The following CACNA1A variants were observed in gnomAD, a reference collection of about 807,000 sequenced individuals.
CACNA1A encodes the protein voltage-dependent P/Q-type calcium channel subunit alpha-1A.
CACNA1A carries 57 observed loss-of-function variants against 262.4 expected under a neutral mutation model. That is an observed-to-expected ratio of 0.22 (90% CI 0.18 to 0.27). CACNA1A has a LOEUF of 0.27. Among genes scored for constraint, CACNA1A ranks in the 10% least tolerant of loss-of-function variants. The pLI is 1.00. For synonymous variants in CACNA1A, 1,431 were observed against 1,419.3 expected (o/e 1.01, Z -0.18); for missense variants, 2,526 against 3,562.8 (o/e 0.71, Z 7.41).
intron 9 of CACNA1A, among the ~76,000 whole-genome samples, chr19:13,330,662 C>T (rs551245689): frequency 2.6e-5 from 4 of 152,308 alleles, no homozygotes; most frequent in African/African-American, 9.6e-5. Context: ...GTGATCTTGG[C>T]TTACTGCAAC....
intron 10 of CACNA1A, among the ~76,000 whole-genome samples, chr19:13,327,989 C>A (rs28670133): frequency 0.25 from 37,503 of 152,108 alleles, 5,867 homozygotes; most frequent in African/African-American, 0.45. Flanking sequence ...ACCTTGAATT[C>A]CTGGGTTCAA....
intron 3 of CACNA1A, among the ~76,000 whole-genome samples, chr19:13,402,857 TACACAC>T (rs1282745878): frequency 1.3e-5 from 1 of 75,838 alleles, no homozygotes; most frequent in African/African-American, 5.5e-5. Context: ...CATATATATA[TACACAC>T]ACACACACAC....
In CACNA1A at chr19:13,286,645, G is replaced by T. The variant is rs770525318; in HGVS notation, c.3411C>A (p.Pro1137=). ...CGATAAGGCTATTCTCGGGGGTCTTGGGGGGGCCGGGATTGGATGGGTTCC... is the reference window on the plus strand; with the variant it reads ...CGATAAGGCTATTCTCGGGGGTCTTTGGGGGGCCGGGATTGGATGGGTTCC... ...NPGNPSNPGP[P]KTPENSLIVT... is the part of the protein sequence containing the mutation. Residue 1137 remains proline (P), a synonymous_variant, in exon 20 of 47, where the codon CCC becomes CCA. Transcript: ENST00000360228. 2.6e-6 allele frequency: 4 copies of T among 1,541,298 alleles called. No individual in the cohort carries two copies. Among genetic ancestry groups the T allele is most frequent in the Non-Finnish European group, 3.5e-6 (4 of 1,143,868 alleles).
At chr19:13,465,793 C>T (rs1250929100) in intron 1 of CACNA1A, among the ~76,000 whole-genome samples, 1 of 152,136 alleles carries the variant, frequency 6.6e-6, no homozygotes, top group East Asian at 1.9e-4. Context: ...CCAGCCACAT[C>T]ATATTTTTGA....
chr19:13,443,085 C>T (rs1260606357), intron 3 of CACNA1A, among the ~76,000 whole-genome samples: 1 of 152,126 alleles, frequency 6.6e-6, no homozygotes, highest in Non-Finnish European at 1.5e-5. Flanking sequence ...CGGGGTCTCA[C>T]CCTGTCACCC....
At chr19:13,325,035 C>G (rs1017569564) in intron 10 of CACNA1A, among the ~76,000 whole-genome samples, 11 of 151,128 alleles carry the variant, frequency 7.3e-5, no homozygotes, top group South Asian at 2.1e-4. Context: ...CTTCTTCTTC[C>G]TCTTCTTCTT....
chr19:13,441,890 A>T (rs1300985763), intron 3 of CACNA1A, among the ~76,000 whole-genome samples: 1 of 152,072 alleles, frequency 6.6e-6, no homozygotes, highest in Admixed American at 6.6e-5. Context: ...TCGGCCCCCA[A>T]ACCTGCGGAG....
In CACNA1A at chr19:13,411,691, T is replaced by TCCTTCTCTCTCTCTCTCTCTCTCC. The variant is rs1256273035; in HGVS notation, c.540-39936_540-39913dup. ...CCCTCTCTCTCTTTCTCTCTCTTTC[T>TCCTTCTCTCTCTCTCTCTCTCTCC]CCTTCTCTCTCTCTCTCTCTCTCCC... is the stretch of plus-strand genomic sequence containing the variant. On this transcript the variant is annotated intron_variant, in intron 3 of 46. Coordinates refer to ENST00000360228, the MANE Select transcript of CACNA1A (RefSeq NM_001127222.2). Among the ~76,000 whole-genome samples the TCCTTCTCTCTCTCTCTCTCTCTCC allele has an allele frequency of 4.8e-5, 7 of 145,396 alleles. No individual in the cohort carries two copies. The East Asian group carries it at 1.2e-3, about 24-fold the overall frequency.
chr19:13,427,863 G>A (rs1407700293), intron 3 of CACNA1A, among the ~76,000 whole-genome samples: 4 of 152,076 alleles, frequency 2.6e-5, no homozygotes, highest in African/African-American at 4.8e-5. Flanking sequence ...CTACCACTCC[G>A]TAGCTGTGTG....
chr19:13,418,708 C>T (rs1256425245), intron 3 of CACNA1A, among the ~76,000 whole-genome samples: 1 of 152,042 alleles, frequency 6.6e-6, no homozygotes, highest in Non-Finnish European at 1.5e-5. Flanking sequence ...CGATTTCAGA[C>T]CTATGGCCTC....
At chr19:13,331,036 C>A (rs1460869249) in intron 9 of CACNA1A, among the ~76,000 whole-genome samples, 2 of 152,114 alleles carry the variant, frequency 1.3e-5, no homozygotes, top group Non-Finnish European at 2.9e-5. Flanking sequence ...CAGACAAGTT[C>A]AGGTGTAGAC....
intron 38 of CACNA1A, among the ~76,000 whole-genome samples, chr19:13,221,430 G>A (rs1307410770): frequency 4.0e-5 from 6 of 149,458 alleles, no homozygotes; most frequent in Non-Finnish European, 5.9e-5. Context: ...ATGGGGTTTC[G>A]CCATGTTGGC....
chr19:13,320,237 C>CGAGAGAGAGAGAGAGAGAGAGA lies in CACNA1A; in HGVS notation c.1346-2938_1346-2917dup, dbSNP rs146095824. 1.1e-4 allele frequency among the ~76,000 whole-genome samples: 14 copies of CGAGAGAGAGAGAGAGAGAGAGA among 127,244 alleles called. No homozygotes were observed. In the East Asian group the frequency reaches 1.3e-3, roughly 12 times the overall value. The allele number at this position is 127,244 out of a possible 152,430, so 83.5% of individuals were successfully genotyped here. ...GGGACAGGGGGGATGTTCCACAGAT[C>CGAGAGAGAGAGAGAGAGAGAGA]GAGAGAGAGAGAGAGAGAGAGAGAG... On this transcript the variant is annotated intron_variant, in intron 10 of 46. Transcript: ENST00000360228.
intron 1 of CACNA1A, among the ~76,000 whole-genome samples, chr19:13,501,962 C>G (rs943463698): frequency 2.0e-5 from 3 of 152,026 alleles, no homozygotes; most frequent in Non-Finnish European, 2.9e-5. Flanking sequence ...AATTTTACTT[C>G]GCAGAATTTT....
chr19:13,318,010 C>A lies in CACNA1A; in HGVS notation c.1346-689G>T, dbSNP rs1299408015. 2.6e-5 allele frequency among the ~76,000 whole-genome samples: 4 copies of A among 152,164 alleles called. No individual in the cohort carries two copies. In the East Asian group the frequency reaches 7.7e-4, roughly 29 times the overall value. On this transcript the variant is annotated intron_variant, in intron 10 of 46. Coordinates refer to ENST00000360228, the MANE Select transcript of CACNA1A (RefSeq NM_001127222.2). Reference sequence around the variant, plus strand: ...GGGAAAAAAAAAGTTGGGATGGGTGCAGTGGCACATGCCTCTAATCCCAGT... The same window carrying A: ...GGGAAAAAAAAAGTTGGGATGGGTGAAGTGGCACATGCCTCTAATCCCAGT...
intron 31 of CACNA1A, 150 bp from the exon 32 acceptor site, chr19:13,235,880 T>C (rs1437266963): frequency 5.0e-6 from 3 of 594,782 alleles, no homozygotes; most frequent in South Asian, 2.1e-5. Flanking sequence ...GCACTATTAA[T>C]GCAATGATGC....
intron 3 of CACNA1A, among the ~76,000 whole-genome samples, chr19:13,441,893 C>T (rs1031917039): frequency 6.6e-6 from 1 of 152,146 alleles, no homozygotes; most frequent in Non-Finnish European, 1.5e-5. Flanking sequence ...GCCCCCAAAC[C>T]TGCGGAGAGA....
intron 3 of CACNA1A, among the ~76,000 whole-genome samples, chr19:13,373,100 T>C (rs11670018): frequency 0.29 from 44,606 of 152,174 alleles, 6,790 homozygotes; most frequent in Middle Eastern, 0.34. Flanking sequence ...AAATGCTGAA[T>C]ACCAGAGGGT....
rs62108601 is a variant in CACNA1A, at chr19:13,262,597, A to T, written c.4089+137T>A. The T allele has an allele frequency of 0.016, 10,410 of 638,878 alleles. 134 individuals carry two copies. Among genetic ancestry groups the T allele is most frequent in the Middle Eastern group, 0.037 (88 of 2,366 alleles). 39.6% of individuals were successfully genotyped at this position (638,878 alleles called of 1,614,324 possible). A position where few individuals can be genotyped will look rare whatever the true frequency, so the allele number is the denominator to read the frequency against. On this transcript the variant is annotated intron_variant, in intron 25 of 46. Transcript: ENST00000360228. The stretch of plus-strand genomic sequence containing the variant: ...TCTGCTGGGAAGTTGTAATAATACA[A>T]ATATCCATACACGATGGCTAGGATG...
Sources: gnomAD v4.1 joint callset for allele counts (sites outside exome capture counted in the v4.1 genomes callset) on GRCh38, gnomAD v4.1.1 for gene constraint, MANE v1.5 for transcripts, NCBI Gene and HGNC (gene_info 2026-07-23, HGNC 2026-07-21) for gene names.